The following PHLPP1 variants were observed in gnomAD, a reference collection of about 807,000 sequenced individuals.
PHLPP1 encodes the protein PH domain and leucine rich repeat protein phosphatase 1.
PHLPP1 carries 42 observed loss-of-function variants against 117.2 expected under a neutral mutation model. The observed-to-expected ratio is 0.36, with a 90% CI of 0.28 to 0.46. The LOEUF (loss-of-function observed/expected upper bound fraction) is 0.46. Among genes scored for constraint, PHLPP1 ranks in the 20% least tolerant of loss-of-function variants. The pLI is 1.00. For synonymous variants in PHLPP1, 1,042 were observed against 970.7 expected, an observed-to-expected ratio of 1.07 and a Z score of -1.37; for missense variants, 2,084 against 2,241.9, an observed-to-expected ratio of 0.93 and a Z score of 1.42.
chr18:62,871,054 C>G (rs551758134), intron 4 of PHLPP1, among the ~76,000 whole-genome samples: 1 of 152,170 alleles, frequency 6.6e-6, no homozygotes, highest in Admixed American at 6.5e-5. Context: ...AACTATATCT[C>G]TAGATGACTC....
intron 1 of PHLPP1, among the ~76,000 whole-genome samples, chr18:62,767,256 C>A (rs1239893225): frequency 6.6e-6 from 1 of 152,114 alleles, no homozygotes; most frequent in Non-Finnish European, 1.5e-5. Context: ...TCAAAGGAGA[C>A]CACTAAAACC....
At chr18:62,740,529 TG>T (rs1911494125) in intron 1 of PHLPP1, among the ~76,000 whole-genome samples, 1 of 152,234 alleles carries the variant, frequency 6.6e-6, no homozygotes, top group Non-Finnish European at 1.5e-5. Flanking sequence ...TAATAAACAC[TG>T]TTAAGAAACC....
At chr18:62,934,688 C>G (rs1025514785) in intron 10 of PHLPP1, among the ~76,000 whole-genome samples, 1 of 152,138 alleles carries the variant, frequency 6.6e-6, no homozygotes, top group Non-Finnish European at 1.5e-5. Flanking sequence ...CAAACCTGCA[C>G]ATATACCTTC....
intron 9 of PHLPP1, among the ~76,000 whole-genome samples, chr18:62,917,451 A>T (rs1909325812): frequency 7.1e-6 from 1 of 141,602 alleles, no homozygotes; most frequent in Non-Finnish European, 1.5e-5. Context: ...ATGTGGGACA[A>T]AAAGAGTATG....
intron 10 of PHLPP1, among the ~76,000 whole-genome samples, chr18:62,928,552 A>G (rs561593150): frequency 7.5e-4 from 114 of 152,196 alleles, no homozygotes; most frequent in Non-Finnish European, 1.5e-3. Flanking sequence ...AACCTCGTAC[A>G]CTGCTGGCAG....
chr18:62,749,813 C>T (rs1053761103), intron 1 of PHLPP1, among the ~76,000 whole-genome samples: 8 of 152,082 alleles, frequency 5.3e-5, no homozygotes, highest in Non-Finnish European at 8.8e-5. Flanking sequence ...GTCAGGAGTT[C>T]GAGACTAGCC....
Position 62,892,747 on chromosome 18 carries a change from G to A in PHLPP1, c.2067-2264G>A, listed in dbSNP as rs1047226499. Among the ~76,000 whole-genome samples, 31 of 151,616 alleles carry A rather than the reference G, an allele frequency of 2.0e-4. 1 individual carries two copies. In the South Asian group the frequency reaches 6.3e-3, roughly 31 times the overall value. On this transcript the variant is annotated intron_variant, in intron 4 of 16. Transcript: ENST00000262719. ...AAAAATTAGCCAGGCATGGTGGCGG[G>A]TGCCTGTAGTCCCAACTACTTGGGA...
At chr18:62,757,716 G>C (rs1346031766) in intron 1 of PHLPP1, among the ~76,000 whole-genome samples, 1 of 152,228 alleles carries the variant, frequency 6.6e-6, no homozygotes, top group Non-Finnish European at 1.5e-5. Context: ...AGCTGGCACA[G>C]AATACCTGGT....
In PHLPP1 at chr18:62,965,942, G is replaced by A. The variant is rs534221702; in HGVS notation, c.3560+2470G>A. 2.0e-5 allele frequency among the ~76,000 whole-genome samples: 3 copies of A among 151,816 alleles called. No homozygotes were observed. The East Asian group carries it at 5.8e-4, about 29-fold the overall frequency. On this transcript the variant is annotated intron_variant, in intron 14 of 16. Transcript: ENST00000262719. The stretch of plus-strand genomic sequence containing the variant: ...AAGGGGAGCCTACAGAAGGAAGACG[G>A]AATAAAATGACTTTAAAATTTAACT...
intron 12 of PHLPP1, 123 bp downstream of exon 12, chr18:62,945,394 C>A: frequency 1.4e-6 from 1 of 723,236 alleles, no homozygotes; most frequent in East Asian, 3.0e-5. Context: ...CCCCCATTAG[C>A]CCTTACTTCC....
intron 1 of PHLPP1, among the ~76,000 whole-genome samples, chr18:62,752,536 G>A (rs1300551602): frequency 6.6e-6 from 1 of 152,192 alleles, no homozygotes; most frequent in Admixed American, 6.5e-5. Context: ...GAATGATTTT[G>A]TTTTGTTTCG....
Position 62,716,408 on chromosome 18 carries a change from G to A in PHLPP1, c.725G>A (p.Gly242Asp). ...ARLLQLGHKG[G>D]GVVKVLGQGP... is the part of the protein sequence containing the mutation. ...CTGCTGCAGCTGGGCCACAAAGGCGGCGGCGTGGTGAAGGTGCTGGGCCAG... is the reference window on the plus strand; with the variant it reads ...CTGCTGCAGCTGGGCCACAAAGGCGACGGCGTGGTGAAGGTGCTGGGCCAG... Residue 242 changes from glycine to aspartate, a missense_variant, in exon 1 of 17, where the codon GGC becomes GAC. Physicochemically the swap from Gly to Asp is moderately conservative, Grantham distance 94. This residue lies in a region of PHLPP1 where 719 missense variants were observed against 636.0 expected (regional missense o/e 1.13). Transcript: ENST00000262719. The surrounding 1 kb of genome is among the most constrained non-coding windows in gnomAD (Gnocchi z 5.7). 2 of 1,475,886 alleles carry A rather than the reference G, an allele frequency of 1.4e-6. No individual in the cohort carries two copies. The highest frequency in any genetic ancestry group is 1.8e-6 in the Non-Finnish European group (2 of 1,117,336). The allele number at this position is 1,475,886 out of a possible 1,614,324, so 91.4% of individuals were successfully genotyped here. A position where few individuals can be genotyped will look rare whatever the true frequency, so the allele number is the denominator to read the frequency against.
intron 1 of PHLPP1, among the ~76,000 whole-genome samples, chr18:62,785,128 T>C (rs1475927963): frequency 6.6e-6 from 1 of 152,166 alleles, no homozygotes; most frequent in African/African-American, 2.4e-5. Flanking sequence ...GTTTGGCTGA[T>C]AGGGAGGGAA....
intron 1 of PHLPP1, among the ~76,000 whole-genome samples, chr18:62,772,032 C>T (rs1251756179): frequency 2.0e-5 from 3 of 152,314 alleles, no homozygotes; most frequent in Non-Finnish European, 4.4e-5. Context: ...TCATCAGAAT[C>T]TGATGCTAGA....
intron 6 of PHLPP1, among the ~76,000 whole-genome samples, chr18:62,900,689 G>A (rs1568155502): frequency 6.6e-6 from 1 of 151,714 alleles, no homozygotes; most frequent in African/African-American, 2.4e-5. Context: ...GGTCTCAAAC[G>A]AACCTTCTAC....
chr18:62,945,203 C>T lies in PHLPP1; in HGVS notation c.3256C>T (p.His1086Tyr), dbSNP rs1210659057. 1 of 1,613,182 alleles carries T rather than the reference C, an allele frequency of 6.2e-7. No homozygotes were observed. Among genetic ancestry groups the T allele is most frequent in the East Asian group, 2.2e-5 (1 of 44,832 alleles). ...PTTIMNCRRM[H>Y]TVIAHSNCIE... ...AACGATCATGAATTGCAGGCGCATG[C>T]ACACCGTGATTGCTCACTCCAACTG... Residue 1086 changes from histidine to tyrosine, a missense_variant, in exon 12 of 17, where the codon CAC becomes TAC. His to Tyr is a moderately conservative substitution (Grantham distance 83). This residue lies in a region of PHLPP1 where 1,365 missense variants were observed against 1,605.9 expected (regional missense o/e 0.85). Coordinates refer to ENST00000262719, the MANE Select transcript of PHLPP1 (RefSeq NM_194449.4).
intron 2 of PHLPP1, chr18:62,837,977 G>C (rs1242752578): frequency 6.6e-6 from 1 of 151,804 alleles, no homozygotes; most frequent in African/African-American, 2.4e-5. Context: ...TTCCTTCCAA[G>C]TTCTTAAGGT....
At chr18:62,853,592 A>G (rs932734304) in intron 3 of PHLPP1, among the ~76,000 whole-genome samples, 1 of 151,854 alleles carries the variant, frequency 6.6e-6, no homozygotes, top group African/African-American at 2.4e-5. Flanking sequence ...CTGGTCTCGA[A>G]CTCCTGACCT....
rs1324620968 is a variant in PHLPP1, at chr18:62,942,595, G to A, written c.3161+677G>A. Among the ~76,000 whole-genome samples the A allele has an allele frequency of 2.0e-5, 3 of 152,188 alleles. No homozygotes were observed. The South Asian group carries it at 6.2e-4, about 32-fold the overall frequency. The stretch of plus-strand genomic sequence containing the variant: ...TACTTTAATTTCTAATTTTCGGTGA[G>A]CGGTGACATTATATCTAGCTTTGAG... On this transcript the variant is annotated intron_variant, in intron 11 of 16. Coordinates refer to ENST00000262719, the MANE Select transcript of PHLPP1 (RefSeq NM_194449.4).
Sources: gnomAD v4.1 joint callset for allele counts (sites outside exome capture counted in the v4.1 genomes callset) on GRCh38, gnomAD v4.1.1 for gene constraint, gnomAD v4.1.1 regional missense constraint, Gnocchi (gnomAD v3.1) non-coding constraint, MANE v1.5 for transcripts, NCBI Gene and HGNC (gene_info 2026-07-23, HGNC 2026-07-21) for gene names.